The following ROBO2 variants were observed in gnomAD, a reference collection of about 807,000 sequenced individuals.
ROBO2 encodes the protein roundabout homolog 2.
ROBO2 carries 53 observed loss-of-function variants against 160.8 expected under a neutral mutation model. The observed-to-expected ratio is 0.33, with a 90% CI of 0.26 to 0.41. The LOEUF is 0.41. Ranked by LOEUF, ROBO2 falls within the 10% of genes least tolerant of loss-of-function variation. The pLI, the probability that ROBO2 is intolerant of heterozygous loss-of-function variation, is 1.00. For synonymous variants in ROBO2, 664 were observed against 611.7 expected (o/e 1.09, Z -1.26); for missense variants, 1,577 against 1,722.4 (o/e 0.92, Z 1.49).
chr3:76,145,296 T>G (rs548688550), intron 2 of ROBO2, among the ~76,000 whole-genome samples: 1 of 152,024 alleles, frequency 6.6e-6, no homozygotes, highest in African/African-American at 2.4e-5. Context: ...AAATGACTAA[T>G]TTAGAAATAA....
chr3:76,313,178 CTG>C (rs2071720782), intron 2 of ROBO2, among the ~76,000 whole-genome samples: 1 of 152,196 alleles, frequency 6.6e-6, no homozygotes, highest in East Asian at 1.9e-4. Context: ...AACGTGTTGA[CTG>C]TGCTTTAAAA....
chr3:77,214,296 G>T lies in ROBO2; in HGVS notation c.388+115956G>T, dbSNP rs564288831. On this transcript the variant is annotated intron_variant, in intron 2 of 25. Transcript: ENST00000461745. Reference sequence around the variant, plus strand: ...GGTGCATATATATTTAGGACAGTTAGCTCTTCTTGTTGAATTGATCCCTTT... The same window carrying T: ...GGTGCATATATATTTAGGACAGTTATCTCTTCTTGTTGAATTGATCCCTTT... Among the ~76,000 whole-genome samples the T allele has an allele frequency of 6.4e-4, 98 of 152,264 alleles. 2 individuals carry two copies. Among genetic ancestry groups the T allele is most frequent in the African/African-American group, 2.2e-3 (90 of 41,550 alleles).
chr3:76,051,226 G>A (rs537634316), intron 2 of ROBO2, among the ~76,000 whole-genome samples: 25 of 150,566 alleles, frequency 1.7e-4, no homozygotes, highest in Admixed American at 4.0e-4. Flanking sequence ...CATTTTCTTC[G>A]TGTCTGTTTT....
At chr3:76,031,850 G>C (rs910241312) in intron 2 of ROBO2, among the ~76,000 whole-genome samples, 1 of 152,004 alleles carries the variant, frequency 6.6e-6, no homozygotes, top group African/African-American at 2.4e-5. Context: ...TTTCTGCCAG[G>C]CTTTGGTATC....
chr3:76,907,949 C>T (rs1353696907), intron 2 of ROBO2, among the ~76,000 whole-genome samples: 1 of 151,994 alleles, frequency 6.6e-6, no homozygotes, highest in African/African-American at 2.4e-5. Context: ...AAGCAATTCT[C>T]CTGCCTCAGC....
intron 2 of ROBO2, among the ~76,000 whole-genome samples, chr3:76,278,286 C>T (rs1304503002): frequency 6.6e-6 from 1 of 151,860 alleles, no homozygotes. Context: ...AAGAGTAGAT[C>T]CTAGTATTCC....
intron 2 of ROBO2, among the ~76,000 whole-genome samples, chr3:77,394,583 A>G (rs1169299768): frequency 1.3e-5 from 2 of 152,182 alleles, no homozygotes; most frequent in Non-Finnish European, 2.9e-5. Flanking sequence ...AGAAATATGT[A>G]GTTTGAGAAT....
chr3:77,277,313 G>A (rs1308866594), intron 2 of ROBO2, among the ~76,000 whole-genome samples: 1 of 149,334 alleles, frequency 6.7e-6, no homozygotes, highest in Non-Finnish European at 1.5e-5. Flanking sequence ...ATTATTTTAA[G>A]TTCAGGTGTA....
chr3:76,923,232 G>A (rs567212630), intron 2 of ROBO2, among the ~76,000 whole-genome samples: 1 of 152,200 alleles, frequency 6.6e-6, no homozygotes. Context: ...TGGAGGCTCA[G>A]GAAGAACGGC....
chr3:76,406,459 C>A (rs548423209), intron 2 of ROBO2, among the ~76,000 whole-genome samples: 2 of 151,906 alleles, frequency 1.3e-5, no homozygotes, highest in Admixed American at 1.3e-4. Flanking sequence ...GTGATTATTT[C>A]ATATTCCATT....
At chr3:76,328,266 T>A (rs2073181676) in intron 2 of ROBO2, among the ~76,000 whole-genome samples, 1 of 152,190 alleles carries the variant, frequency 6.6e-6, no homozygotes, top group African/African-American at 2.4e-5. Context: ...ATATACATAT[T>A]TAAAATGAGA....
intron 19 of ROBO2, among the ~76,000 whole-genome samples, chr3:77,601,412 C>A (rs1297104900): frequency 1.3e-5 from 2 of 152,112 alleles, no homozygotes; most frequent in African/African-American, 4.8e-5. Flanking sequence ...AGAGAGGCAG[C>A]AGTTCTGAAT....
At chr3:76,024,936 C>CGT (rs1260438453) in intron 2 of ROBO2, among the ~76,000 whole-genome samples, 58 of 146,300 alleles carry the variant, frequency 4.0e-4, no homozygotes, top group African/African-American at 1.4e-3. Flanking sequence ...TGTGTGTGTG[C>CGT]GTATATATAT....
intron 2 of ROBO2, among the ~76,000 whole-genome samples, chr3:76,708,086 C>T (rs1042854026): frequency 2.0e-5 from 3 of 152,084 alleles, no homozygotes; most frequent in Non-Finnish European, 2.9e-5. Context: ...AAGCACATAG[C>T]TCTAGGGAGA....
At chr3:77,293,173 A>G (rs1042764805) in intron 2 of ROBO2, among the ~76,000 whole-genome samples, 8 of 149,544 alleles carry the variant, frequency 5.3e-5, no homozygotes, top group Admixed American at 2.0e-4. Context: ...TTGAGGCTAG[A>G]ACAGTAAAGA....
At chr3:76,824,205 C>T (rs2066374327) in intron 2 of ROBO2, among the ~76,000 whole-genome samples, 2 of 152,178 alleles carry the variant, frequency 1.3e-5, no homozygotes, top group Non-Finnish European at 2.9e-5. Context: ...GTGTCCCTTC[C>T]ATTTCTACTC....
intron 2 of ROBO2, among the ~76,000 whole-genome samples, chr3:76,197,392 G>A (rs561404366): frequency 2.0e-5 from 3 of 150,372 alleles, no homozygotes; most frequent in Admixed American, 2.0e-4. Flanking sequence ...AATCCACTGA[G>A]CTAATCAATC....
chr3:76,360,538 T>G (rs2075448649), intron 2 of ROBO2, among the ~76,000 whole-genome samples: 2 of 152,090 alleles, frequency 1.3e-5, no homozygotes, highest in Non-Finnish European at 2.9e-5. Context: ...AAAATAAACT[T>G]TCGCTTAGTA....
intron 2 of ROBO2, among the ~76,000 whole-genome samples, chr3:76,678,487 G>A (rs950821905): frequency 6.6e-6 from 1 of 152,054 alleles, no homozygotes; most frequent in Non-Finnish European, 1.5e-5. Flanking sequence ...AGGTTCCAAA[G>A]TTCTGCATTA....
Sources: allele counts gnomAD v4.1 joint callset (sites outside exome capture counted in the v4.1 genomes callset), GRCh38; gene constraint gnomAD v4.1.1; transcripts MANE v1.5; gene names NCBI Gene and HGNC (gene_info 2026-07-23, HGNC 2026-07-21).